RFX4: variants seen among roughly 807,000 people sequenced by gnomAD.
The protein encoded by RFX4 is regulatory factor X4.
In RFX4, 10 loss-of-function variants were observed where a neutral mutation model predicts 95.0. That is an observed-to-expected ratio of 0.11 (90% CI 0.06 to 0.18). The LOEUF (loss-of-function observed/expected upper bound fraction) is 0.18. Among genes scored for constraint, RFX4 ranks in the 10% least tolerant of loss-of-function variants. The probability of loss-of-function intolerance (pLI) is 1.00; values close to 1 mark genes in which losing one functional copy is unlikely to be tolerated. For missense variants in RFX4, 640 were observed against 922.0 expected, an observed-to-expected ratio of 0.69 and a Z score of 3.96; for synonymous variants, 321 against 340.7, an observed-to-expected ratio of 0.94 and a Z score of 0.64.
At chr12:106,596,155 C>G (rs1020025990) in intron 1 of RFX4, among the ~76,000 whole-genome samples, 1 of 152,146 alleles carries the variant, frequency 6.6e-6, no homozygotes, top group Non-Finnish European at 1.5e-5. Flanking sequence ...TCTTGTAGCT[C>G]CCATAATTCC....
chr12:106,726,202 C>T (rs374408033), intron 13 of RFX4, among the ~76,000 whole-genome samples: 47 of 147,564 alleles, frequency 3.2e-4, no homozygotes, highest in African/African-American at 1.1e-3. Context: ...GAGCTGAGAT[C>T]GTGCCACTGC....
chr12:106,668,641 A>G (rs1252539743), intron 4 of RFX4, among the ~76,000 whole-genome samples: 1 of 152,232 alleles, frequency 6.6e-6, no homozygotes, highest in South Asian at 2.1e-4. Flanking sequence ...AAAAGAAAAA[A>G]TAATTAGGGT....
At position 106,718,844 on chromosome 12, in the gene RFX4, T is replaced by C. The variant is rs553972814; in HGVS notation, c.1139-1116T>C. On this transcript the variant is annotated intron_variant, in intron 11 of 17. Transcript: ENST00000392842. Reference sequence around the variant, plus strand: ...AAGCACTTCCAGCCGGGCGTGGTGGTGCACGCCTGTAATCCCAGCACTTTG... The same window carrying C: ...AAGCACTTCCAGCCGGGCGTGGTGGCGCACGCCTGTAATCCCAGCACTTTG... Among the ~76,000 whole-genome samples, 529 of 151,612 alleles carry C rather than the reference T, an allele frequency of 3.5e-3. 3 individuals carry two copies. The highest frequency in any genetic ancestry group is 0.011 in the African/African-American group (442 of 41,284).
chr12:106,589,103 C>T (rs1477370982), intron 1 of RFX4, among the ~76,000 whole-genome samples: 1 of 151,994 alleles, frequency 6.6e-6, no homozygotes, highest in Admixed American at 6.6e-5. Context: ...TGGGAGAAAC[C>T]CCCAATGTTG....
At chr12:106,594,305 A>G (rs2039584323) in intron 1 of RFX4, among the ~76,000 whole-genome samples, 1 of 152,188 alleles carries the variant, frequency 6.6e-6, no homozygotes, top group Admixed American at 6.5e-5. Context: ...AAGATTTCTA[A>G]AGCGTCGAGC....
intron 8 of RFX4, among the ~76,000 whole-genome samples, chr12:106,699,788 A>G (rs2137460916): frequency 6.6e-6 from 1 of 152,170 alleles, no homozygotes; most frequent in East Asian, 1.9e-4. Context: ...ATTTCTTGTA[A>G]CCAACATAGA....
rs1308318896 is a variant in RFX4 at position 106,732,958 on chromosome 12, T to G, written c.1506T>G (p.Ala502=). Residue 502 remains alanine, a synonymous_variant, in exon 15 of 18, where the codon GCT becomes GCG. Transcript: ENST00000392842. ...EVREEIILTE[A]AAPTPSPVPS... Reference sequence around the variant, plus strand: ...GAGAAGAGATCATCTTGACAGAGGCTGCCGCACCAACCCCTTCACCAGTGC... The same window carrying G: ...GAGAAGAGATCATCTTGACAGAGGCGGCCGCACCAACCCCTTCACCAGTGC... The G allele has an allele frequency of 6.2e-7, 1 of 1,614,082 alleles. No individual in the cohort carries two copies. The highest frequency in any genetic ancestry group is 1.3e-5 in the African/African-American group (1 of 74,940).
intron 15 of RFX4, among the ~76,000 whole-genome samples, chr12:106,735,695 TA>T (rs112930926): frequency 8.0e-6 from 1 of 124,908 alleles, no homozygotes; most frequent in African/African-American, 3.4e-5. Flanking sequence ...TACACACATG[TA>T]TTTTTTTTTC....
intron 8 of RFX4, among the ~76,000 whole-genome samples, chr12:106,697,740 G>A (rs1031904155): frequency 2.6e-5 from 4 of 151,724 alleles, no homozygotes; most frequent in African/African-American, 9.7e-5. Context: ...TTCCTGCTCT[G>A]TGTGTGTGTG....
chr12:106,668,692 T>C (rs1028116521), intron 4 of RFX4, among the ~76,000 whole-genome samples: 1 of 152,226 alleles, frequency 6.6e-6, no homozygotes, highest in Non-Finnish European at 1.5e-5. Context: ...TTTATCCACA[T>C]AAGGGTGTTT....
chr12:106,736,102 G>C (rs2042705104), intron 15 of RFX4, among the ~76,000 whole-genome samples: 1 of 152,178 alleles, frequency 6.6e-6, no homozygotes, highest in East Asian at 1.9e-4. Flanking sequence ...GTATTAGTTA[G>C]GGTAGGCTAA....
At chr12:106,723,503 A>G (rs11113093) in intron 13 of RFX4, among the ~76,000 whole-genome samples, 22,076 of 152,120 alleles carry the variant, frequency 0.15, 1,962 homozygotes, top group East Asian at 0.27. Context: ...ACTCCAGCAT[A>G]TATCAGTTTA....
At chr12:106,656,465 C>T (rs2040959425) in intron 4 of RFX4, among the ~76,000 whole-genome samples, 1 of 152,138 alleles carries the variant, frequency 6.6e-6, no homozygotes, top group African/African-American at 2.4e-5. Flanking sequence ...CACAGGAAGC[C>T]TCTGTGATCC....
chr12:106,674,334 C>CT (rs777169973), intron 4 of RFX4, among the ~76,000 whole-genome samples: 105 of 144,838 alleles, frequency 7.2e-4, no homozygotes, highest in African/African-American at 9.8e-4. Context: ...CATTTTCTTT[C>CT]TTTTTTTTTT....
chr12:106,602,536 C>T (rs955259092), intron 1 of RFX4, among the ~76,000 whole-genome samples: 16 of 152,134 alleles, frequency 1.1e-4, no homozygotes, highest in African/African-American at 3.6e-4. Context: ...CTCCCAAGCC[C>T]GTCTCTGTCT....
intron 4 of RFX4, among the ~76,000 whole-genome samples, chr12:106,674,700 G>A (rs1429548415): frequency 1.3e-5 from 2 of 152,136 alleles, no homozygotes; most frequent in Non-Finnish European, 2.9e-5. Context: ...CCTGATAGAA[G>A]ATACATTGAC....
At chr12:106,700,768 G>T (rs971668666) in intron 8 of RFX4, among the ~76,000 whole-genome samples, 1 of 152,166 alleles carries the variant, frequency 6.6e-6, no homozygotes, top group Non-Finnish European at 1.5e-5. Flanking sequence ...CACATGTAGT[G>T]TAAGAATCTT....
chr12:106,615,719 T>A (rs1006872301), intron 2 of RFX4, among the ~76,000 whole-genome samples: 2 of 152,230 alleles, frequency 1.3e-5, no homozygotes, highest in African/African-American at 4.8e-5. Flanking sequence ...TATTCCTAGA[T>A]AATTGATGTT....
intron 1 of RFX4, chr12:106,585,662 A>G (rs1455189569): frequency 6.6e-6 from 1 of 152,206 alleles, no homozygotes; most frequent in East Asian, 1.9e-4. Context: ...CGCGCGCTCC[A>G]TGGAGCAGTT....
Sources: gnomAD v4.1 joint callset for allele counts (sites outside exome capture counted in the v4.1 genomes callset) on GRCh38, gnomAD v4.1.1 for gene constraint, MANE v1.5 for transcripts, NCBI Gene and HGNC (gene_info 2026-07-23, HGNC 2026-07-21) for gene names.